The following CTNNA3 variants were observed in gnomAD, a reference collection of about 807,000 sequenced individuals.
CTNNA3 encodes catenin alpha-3.
CTNNA3 carries 76 observed loss-of-function variants against 95.7 expected under a neutral mutation model. That is an observed-to-expected ratio of 0.79 (90% CI 0.66 to 0.96). CTNNA3 has a LOEUF of 0.96. Among genes scored for constraint, CTNNA3 ranks in the 40% least tolerant of loss-of-function variants. The pLI, the probability that CTNNA3 is intolerant of heterozygous loss-of-function variation, is 0.00. For synonymous variants in CTNNA3, 431 were observed against 374.4 expected (o/e 1.15, Z -1.74); for missense variants, 1,191 against 1,089.8 (o/e 1.09, Z -1.31).
At chr10:66,612,956 A>G (rs1206813062) in intron 10 of CTNNA3, among the ~76,000 whole-genome samples, 1 of 151,922 alleles carries the variant, frequency 6.6e-6, no homozygotes, top group African/African-American at 2.4e-5. Flanking sequence ...TAAATTTTCA[A>G]TTTTGATTAT....
chr10:66,473,325 C>A (rs10997155), intron 11 of CTNNA3, among the ~76,000 whole-genome samples: 1 of 151,904 alleles, frequency 6.6e-6, no homozygotes, highest in South Asian at 2.1e-4. Context: ...ATCATGAGAT[C>A]TGATGGTTTT....
chr10:67,034,100 C>G (rs1233332249), intron 7 of CTNNA3, among the ~76,000 whole-genome samples: 1 of 152,084 alleles, frequency 6.6e-6, no homozygotes, highest in Admixed American at 6.6e-5. Context: ...GAAAAATAAG[C>G]TGACACATTG....
At chr10:67,727,378 G>A (rs2133627606) in intron 1 of CTNNA3, among the ~76,000 whole-genome samples, 1 of 129,222 alleles carries the variant, frequency 7.7e-6, no homozygotes, top group South Asian at 2.3e-4. Context: ...ATATATGTAT[G>A]TTACGTATTA....
At chr10:66,136,154 G>C (rs1420892456) in intron 13 of CTNNA3, among the ~76,000 whole-genome samples, 1 of 151,956 alleles carries the variant, frequency 6.6e-6, no homozygotes, top group Non-Finnish European at 1.5e-5. Flanking sequence ...CGTCCTTCTC[G>C]GCCTTCCAAA....
At chr10:67,247,691 G>T (rs953515023) in intron 5 of CTNNA3, among the ~76,000 whole-genome samples, 5 of 151,922 alleles carry the variant, frequency 3.3e-5, no homozygotes, top group African/African-American at 1.2e-4. Context: ...AAAATGTAAG[G>T]GACTCAGAAT....
intron 3 of CTNNA3, among the ~76,000 whole-genome samples, chr10:67,543,999 G>A (rs999470715): frequency 2.0e-5 from 3 of 152,140 alleles, no homozygotes; most frequent in Non-Finnish European, 2.9e-5. Context: ...ACTACTAGGA[G>A]CAAACATGTT....
intron 12 of CTNNA3, among the ~76,000 whole-genome samples, chr10:66,376,776 C>T (rs1039032464): frequency 6.6e-6 from 1 of 152,154 alleles, no homozygotes; most frequent in African/African-American, 2.4e-5. Flanking sequence ...ACAGATATTA[C>T]TGTTCACTTG....
At chr10:66,761,698 T>C (rs928452131) in intron 9 of CTNNA3, among the ~76,000 whole-genome samples, 2 of 152,192 alleles carry the variant, frequency 1.3e-5, no homozygotes, top group East Asian at 3.8e-4. Flanking sequence ...TTCTTCCGAA[T>C]AATAGTTATA....
chr10:66,728,789 T>C (rs1848859378), intron 9 of CTNNA3, among the ~76,000 whole-genome samples: 1 of 152,150 alleles, frequency 6.6e-6, no homozygotes, highest in African/African-American at 2.4e-5. Flanking sequence ...GGTTTCACCA[T>C]GTTTGCCAGG....
At chr10:67,650,861 C>A (rs1199351077) in intron 1 of CTNNA3, among the ~76,000 whole-genome samples, 1 of 152,058 alleles carries the variant, frequency 6.6e-6, no homozygotes, top group Non-Finnish European at 1.5e-5. Flanking sequence ...CTATTCATTT[C>A]CAAAATTTGC....
At chr10:67,465,583 G>C (rs1355542398) in intron 5 of CTNNA3, among the ~76,000 whole-genome samples, 1 of 152,126 alleles carries the variant, frequency 6.6e-6, no homozygotes, top group African/African-American at 2.4e-5. Context: ...ACAGCCTTCA[G>C]GGAAAGATGT....
chr10:67,742,706 T>A (rs1439678859), intron 1 of CTNNA3, among the ~76,000 whole-genome samples: 2 of 150,882 alleles, frequency 1.3e-5, no homozygotes, highest in Non-Finnish European at 3.0e-5. Flanking sequence ...AATTAATGAA[T>A]CCAGGAGCTG....
intron 11 of CTNNA3, among the ~76,000 whole-genome samples, chr10:66,513,981 T>C (rs1309712503): frequency 1.3e-5 from 2 of 151,982 alleles, no homozygotes; most frequent in Non-Finnish European, 2.9e-5. Context: ...GCACCTGTGA[T>C]GTGGAGATGC....
At chr10:66,028,983 AAG>A (rs1401432898) in intron 15 of CTNNA3, among the ~76,000 whole-genome samples, 37 of 152,296 alleles carry the variant, frequency 2.4e-4, no homozygotes, top group African/African-American at 8.4e-4. Flanking sequence ...AGATAAAATG[AAG>A]AATAGGAGGT....
intron 5 of CTNNA3, among the ~76,000 whole-genome samples, chr10:67,252,480 A>G: frequency 6.6e-6 from 1 of 152,218 alleles, no homozygotes; most frequent in East Asian, 1.9e-4. Context: ...AGCAACAATA[A>G]CTAATAACAA....
intron 7 of CTNNA3, chr10:66,837,712 C>A (rs946527904): frequency 2.0e-5 from 3 of 152,072 alleles, no homozygotes; most frequent in African/African-American, 7.2e-5. Flanking sequence ...ATTTGTTCTG[C>A]CTCTCTCTTT....
intron 9 of CTNNA3, among the ~76,000 whole-genome samples, chr10:66,758,211 G>T: frequency 6.6e-6 from 1 of 152,128 alleles, no homozygotes; most frequent in East Asian, 1.9e-4. Flanking sequence ...CAGGAATGGA[G>T]AAAATTATTT....
intron 7 of CTNNA3, among the ~76,000 whole-genome samples, chr10:66,917,679 T>C (rs7077924): frequency 0.4 from 61,106 of 152,088 alleles, 12,565 homozygotes; most frequent in Non-Finnish European, 0.44. Context: ...TAATTCCTAA[T>C]GCTGATATAA....
At chr10:67,020,716 C>T (rs953425792) in intron 7 of CTNNA3, among the ~76,000 whole-genome samples, 2 of 151,998 alleles carry the variant, frequency 1.3e-5, no homozygotes, top group South Asian at 2.1e-4. Context: ...GCACTAAAAC[C>T]TGGGTTTTAA....
Sources: gnomAD v4.1 joint callset for allele counts (sites outside exome capture counted in the v4.1 genomes callset) on GRCh38, gnomAD v4.1.1 for gene constraint, MANE v1.5 for transcripts, NCBI Gene and HGNC (gene_info 2026-07-23, HGNC 2026-07-21) for gene names.